The following ARMC8 variants were observed in gnomAD, a reference collection of about 807,000 sequenced individuals.
The protein encoded by ARMC8 is armadillo repeat-containing protein 8.
Under a neutral mutation model 99.3 loss-of-function variants are expected in ARMC8, and 20 were observed. The ratio of observed to expected loss-of-function variants is 0.20; its 90% confidence interval spans 0.14 to 0.29. The LOEUF is 0.29. ARMC8 is among the 10% of genes least tolerant of loss of function. The pLI, the probability that ARMC8 is intolerant of heterozygous loss-of-function variation, is 1.00. For synonymous variants in ARMC8, 263 were observed against 278.3 expected, an observed-to-expected ratio of 0.95 and a Z score of 0.55; for missense variants, 569 against 809.5, an observed-to-expected ratio of 0.70 and a Z score of 3.60.
chr3:138,242,875 G>A (rs2046691572), intron 11 of ARMC8, among the ~76,000 whole-genome samples: 2 of 152,090 alleles, frequency 1.3e-5, no homozygotes, highest in African/African-American at 2.4e-5. Context: ...CTTAAGAAGG[G>A]CCTAAAATAA....
At chr3:138,282,054 C>T (rs1343364998) in intron 18 of ARMC8, among the ~76,000 whole-genome samples, 3 of 152,172 alleles carry the variant, frequency 2.0e-5, no homozygotes, top group South Asian at 2.1e-4. Flanking sequence ...GTGCTGCCCC[C>T]GCTCCTACTT....
intron 14 of ARMC8, among the ~76,000 whole-genome samples, chr3:138,265,047 G>A (rs1402450576): frequency 2.6e-5 from 4 of 151,910 alleles, no homozygotes; most frequent in Non-Finnish European, 4.4e-5. Flanking sequence ...ACAGGTATGT[G>A]CCACTATGCC....
At chr3:138,284,029 A>G (rs1302918234) in intron 18 of ARMC8, among the ~76,000 whole-genome samples, 2 of 152,224 alleles carry the variant, frequency 1.3e-5, no homozygotes, top group Non-Finnish European at 2.9e-5. Context: ...TGCAACACCT[A>G]CAGAGCTTCC....
At chr3:138,197,161 GC>G in intron 1 of ARMC8, among the ~76,000 whole-genome samples, 1 of 152,302 alleles carries the variant, frequency 6.6e-6, no homozygotes, top group South Asian at 2.1e-4. Context: ...ATTCGAAGTG[GC>G]CTGCGATATT....
At chr3:138,219,258 G>C (rs1290584171) in intron 2 of ARMC8, among the ~76,000 whole-genome samples, 2 of 152,210 alleles carry the variant, frequency 1.3e-5, no homozygotes, top group African/African-American at 2.4e-5. Flanking sequence ...GATGATAGCT[G>C]TGAGTTTGCA....
intron 12 of ARMC8, among the ~76,000 whole-genome samples, chr3:138,251,042 T>C (rs1187690129): frequency 1.3e-5 from 2 of 151,958 alleles, no homozygotes; most frequent in African/African-American, 4.8e-5. Context: ...TCCCAGCTAT[T>C]TGGGAGGCTG....
intron 18 of ARMC8, among the ~76,000 whole-genome samples, chr3:138,282,425 A>G (rs954696964): frequency 6.6e-6 from 1 of 152,100 alleles, no homozygotes; most frequent in Non-Finnish European, 1.5e-5. Flanking sequence ...GGGCGGGTGG[A>G]TCATGAGGTC....
At position 138,188,392 on chromosome 3, in the gene ARMC8, T is replaced by TAA. The variant is rs557495339; in HGVS notation, c.45+799_45+800dup. The TAA allele has an allele frequency of 2.2e-3, 3,166 of 1,439,830 alleles. 49 individuals are homozygous for TAA. In the African/African-American group the frequency reaches 0.039, roughly 18 times the overall value. The allele number at this position is 1,439,830 out of a possible 1,614,324, so 89.2% of individuals were successfully genotyped here. ...AAGTAAAACCTGTTTTTTTTTTTTT[T>TAA]AAAAAAAGTTTTTTTAAAGAAAAAG... is the stretch of plus-strand genomic sequence containing the variant. On this transcript the variant is annotated intron_variant, in intron 1 of 21. Transcript: ENST00000469044.
intron 15 of ARMC8, among the ~76,000 whole-genome samples, chr3:138,269,809 T>C (rs1356984943): frequency 7.0e-6 from 1 of 143,846 alleles, no homozygotes; most frequent in Non-Finnish European, 1.5e-5. Flanking sequence ...TGGTTTGGTT[T>C]TGTTTTCTTT....
At chr3:138,254,141 C>CAG (rs923375486) in intron 12 of ARMC8, among the ~76,000 whole-genome samples, 2 of 152,148 alleles carry the variant, frequency 1.3e-5, no homozygotes, top group African/African-American at 4.8e-5. Context: ...AGGAAGTATC[C>CAG]AGATTATGTA....
intron 18 of ARMC8, among the ~76,000 whole-genome samples, chr3:138,282,050 C>A (rs1050884025): frequency 2.0e-5 from 3 of 152,120 alleles, no homozygotes; most frequent in Non-Finnish European, 4.4e-5. Flanking sequence ...CCATGTGCTG[C>A]CCCCGCTCCT....
rs2046645456 is a variant in ARMC8, at chr3:138,241,942, A to G, written c.997A>G (p.Lys333Glu). 4.3e-6 allele frequency: 7 copies of G among 1,614,040 alleles called. No homozygotes were observed. The highest frequency in any genetic ancestry group is 5.9e-6 in the Non-Finnish European group (7 of 1,179,970). Residue 333 changes from lysine to glutamate, a missense_variant, in exon 11 of 22, where the codon AAG becomes GAG. Physicochemically the swap from Lys to Glu is moderately conservative, Grantham distance 56. This residue lies in a region of ARMC8 where 227 missense variants were observed against 417.9 expected (regional missense o/e 0.54). Coordinates refer to ENST00000469044, the MANE Select transcript of ARMC8 (RefSeq NM_001363941.2). The part of the protein sequence containing the change: ...HLIAMLADYF[K>E]YPSSVSAITD... ...CATTGCCATGCTTGCTGATTATTTC[A>G]AGTATCCCAGCTCAGTGAGTGCCAT...
chr3:138,248,720 ATC>A (rs1559987654), intron 12 of ARMC8, among the ~76,000 whole-genome samples: 13 of 152,224 alleles, frequency 8.5e-5, no homozygotes, highest in Non-Finnish European at 1.6e-4. Context: ...AAAAAGGATT[ATC>A]CTCTCTTACT....
At chr3:138,264,068 C>A in intron 13 of ARMC8, 63 bp from the exon 14 acceptor site, 1 of 1,455,238 alleles carries the variant, frequency 6.9e-7, no homozygotes, top group Non-Finnish European at 9.6e-7. Context: ...AAATGCCAGC[C>A]AGTTTGTTTG....
At chr3:138,212,295 GTCTTTAAGTAA>G (rs2044738511) in intron 2 of ARMC8, among the ~76,000 whole-genome samples, 1 of 149,054 alleles carries the variant, frequency 6.7e-6, no homozygotes, top group East Asian at 2.0e-4. Flanking sequence ...AACATTATCT[GTCTTTAAGTAA>G]TCTTTTTTTT....
intron 19 of ARMC8, chr3:138,287,804 A>C: frequency 2.6e-6 from 1 of 385,686 alleles, no homozygotes; most frequent in Non-Finnish European, 5.3e-6. Context: ...ACCATTGAGC[A>C]TATTTTGCCA....
rs2051662257 is a variant in ARMC8 at position 138,298,315 on chromosome 3, T to A, written c.*2423T>A. Reference sequence around the variant, plus strand: ...CTTTATTCAGAACAATACATGTTCTTCTGGTAGTGTTTGGATAATATGATT... The same window carrying A: ...CTTTATTCAGAACAATACATGTTCTACTGGTAGTGTTTGGATAATATGATT... On this transcript the variant is annotated 3_prime_UTR_variant, in exon 22 of 22. Transcript: ENST00000469044. The A allele has an allele frequency of 6.6e-6, 1 of 152,252 alleles. No homozygotes were observed. Among genetic ancestry groups the A allele is most frequent in the Non-Finnish European group, 1.5e-5 (1 of 68,046 alleles). The allele number at this position is 152,252 out of a possible 1,614,324, so 9.4% of individuals were successfully genotyped here.
At position 138,218,541 on chromosome 3, in the gene ARMC8, C is replaced by A. The variant is rs376393767; in HGVS notation, c.123-3385C>A. ...CCTTTTGTCCTCCCATCTGCTTATCCAAGTCCTGACTATTGTCTAAGGTTT... is the reference window on the plus strand; with the variant it reads ...CCTTTTGTCCTCCCATCTGCTTATCAAAGTCCTGACTATTGTCTAAGGTTT... On this transcript the variant is annotated intron_variant, in intron 2 of 21. Transcript: ENST00000469044. Among the ~76,000 whole-genome samples the A allele has an allele frequency of 3.2e-4, 49 of 152,280 alleles. 1 individual carries two copies. The South Asian group carries it at 6.4e-3, about 20-fold the overall frequency.
chr3:138,289,286 C>T (rs557505455), intron 20 of ARMC8, among the ~76,000 whole-genome samples, 166 bp downstream of exon 20: 15 of 152,220 alleles, frequency 9.9e-5, no homozygotes, highest in African/African-American at 2.6e-4. Flanking sequence ...GGAACTAGCC[C>T]AAGTCAGCTG....
Sources: gnomAD v4.1 joint callset for allele counts (sites outside exome capture counted in the v4.1 genomes callset) on GRCh38, gnomAD v4.1.1 for gene constraint, gnomAD v4.1.1 regional missense constraint, MANE v1.5 for transcripts, NCBI Gene and HGNC (gene_info 2026-07-23, HGNC 2026-07-21) for gene names.